Variants in ZNF507 observed in about 807,000 individuals in gnomAD.
ZNF507 encodes zinc finger protein 507.
In ZNF507, 29 loss-of-function variants were observed where a neutral mutation model predicts 80.0. The observed-to-expected ratio is 0.36, with a 90% CI of 0.27 to 0.49. The LOEUF (loss-of-function observed/expected upper bound fraction) is 0.49. Ranked by LOEUF, ZNF507 falls within the 20% of genes least tolerant of loss-of-function variation. The pLI, the probability that ZNF507 is intolerant of heterozygous loss-of-function variation, is 0.98. For missense variants in ZNF507, 1,081 were observed against 1,152.2 expected (o/e 0.94, Z 0.90); for synonymous variants, 462 against 422.5 (o/e 1.09, Z -1.15).
rs1599545525 is a variant in ZNF507 at position 32,352,953 on chromosome 19, A to G, written c.123A>G (p.Pro41=). The change falls in exon 3 of 7, where the codon CCA becomes CCG. Residue 41 remains proline, a synonymous_variant. Transcript: ENST00000355898. ...LEIDEQRKTK[P]DPLIHVIQKL... ...TTGATGAACAAAGAAAAACTAAACC[A>G]GATCCATTAATCCATGTTATCCAGA... is the stretch of plus-strand genomic sequence containing the variant. 7 of 1,614,210 alleles carry G rather than the reference A, an allele frequency of 4.3e-6. No homozygotes were observed. The highest frequency in any genetic ancestry group is 5.9e-6 in the Non-Finnish European group (7 of 1,180,046).
In ZNF507 at chr19:32,358,522, A is replaced by G. The variant is rs1012683188; in HGVS notation, c.2245+1789A>G. On this transcript the variant is annotated intron_variant, in intron 4 of 6. Coordinates refer to ENST00000355898, the MANE Select transcript of ZNF507 (RefSeq NM_001136156.2). ...ACAGTGAAAGGCATCACTGCCCTTC[A>G]GGAATCCAACTCAGTGAAGAAGACA... The G allele has an allele frequency of 9.8e-5, 15 of 152,378 alleles. No individual in the cohort carries two copies. The South Asian group carries it at 2.7e-3, about 27-fold the overall frequency. The allele number at this position is 152,378 out of a possible 1,614,324, so 9.4% of individuals were successfully genotyped here.
chr19:32,346,797 G>C (rs565891837), intron 1 of ZNF507, among the ~76,000 whole-genome samples: 1 of 152,202 alleles, frequency 6.6e-6, no homozygotes, highest in African/African-American at 2.4e-5. Flanking sequence ...TGCGTTAGAA[G>C]ATATATAGGT....
At chr19:32,379,889 T>G (rs1017465669) in intron 5 of ZNF507, among the ~76,000 whole-genome samples, 1 of 152,156 alleles carries the variant, frequency 6.6e-6, no homozygotes, top group Non-Finnish European at 1.5e-5. Context: ...TTGTATCCTT[T>G]TTTGGTGTTC....
intron 5 of ZNF507, among the ~76,000 whole-genome samples, chr19:32,370,880 A>T (rs1967461078): frequency 6.6e-6 from 1 of 152,012 alleles, no homozygotes; most frequent in African/African-American, 2.4e-5. Context: ...CAGCTATTTT[A>T]CCCATTTTGA....
intron 5 of ZNF507, among the ~76,000 whole-genome samples, chr19:32,373,445 T>G (rs1420460973): frequency 6.6e-6 from 1 of 152,250 alleles, no homozygotes; most frequent in African/African-American, 2.4e-5. Flanking sequence ...TGTAAGAGAC[T>G]TATCGAGTGG....
At chr19:32,370,188 T>C (rs1174128544) in intron 5 of ZNF507, among the ~76,000 whole-genome samples, 4 of 152,240 alleles carry the variant, frequency 2.6e-5, no homozygotes, top group Non-Finnish European at 5.9e-5. Context: ...CATACCTTGG[T>C]TTTTGTGAGG....
intron 2 of ZNF507, among the ~76,000 whole-genome samples, chr19:32,347,663 A>C (rs887016056): frequency 6.6e-6 from 1 of 152,120 alleles, no homozygotes; most frequent in African/African-American, 2.4e-5. Context: ...CAAAATTTGA[A>C]TATTACACAA....
In ZNF507 at chr19:32,353,689, C is replaced by T; in HGVS notation, c.859C>T (p.Pro287Ser). 6.2e-7 allele frequency: 1 copy of T among 1,614,120 alleles called. No homozygotes were observed. The highest frequency in any genetic ancestry group is 1.6e-4 in the Middle Eastern group (1 of 6,062). The change falls in exon 3 of 7, where the codon CCC (proline) becomes TCC (serine). Residue 287 changes from proline (P) to serine (S), a missense_variant. Pro to Ser is a moderately conservative substitution (Grantham distance 74). This residue lies in a region of ZNF507 where 614 missense variants were observed against 583.9 expected (regional missense o/e 1.05). Coordinates refer to ENST00000355898, the MANE Select transcript of ZNF507 (RefSeq NM_001136156.2). ...SYPIFENENE[P>S]LGLLDSSAAA... ...TCCAATCTTTGAAAATGAAAATGAA[C>T]CCCTAGGCCTGCTGGATTCTTCAGC...
Position 32,353,979 on chromosome 19 carries a change from AATC to A in ZNF507, c.1154_1156del (p.Ile385del). ...ATAGCCTGCTTACATCAGCACAGAA[AATC>A]ATCAGCAGCAGCCCCAATAAAAAAG... On this transcript the variant is annotated inframe_deletion, in exon 3 of 7. Coordinates refer to ENST00000355898, the MANE Select transcript of ZNF507 (RefSeq NM_001136156.2). 6 of 1,614,164 alleles carry A rather than the reference AATC, an allele frequency of 3.7e-6. No individual in the cohort carries two copies. Among genetic ancestry groups the A allele is most frequent in the Non-Finnish European group, 5.1e-6 (6 of 1,180,024 alleles).
chr19:32,384,303 A>C lies in ZNF507; in HGVS notation c.*1220A>C, dbSNP rs139688822. 6.6e-6 allele frequency: 1 copy of C among 152,368 alleles called. No homozygotes were observed. The highest frequency in any genetic ancestry group is 2.4e-5 in the African/African-American group (1 of 41,592). The allele number at this position is 152,368 out of a possible 1,614,324, so 9.4% of individuals were successfully genotyped here. Reference sequence around the variant, plus strand: ...ACCAACACAAAGTGCTTTAGCATTAAAACTCACCATCAAATAGATGTAATC... The same window carrying C: ...ACCAACACAAAGTGCTTTAGCATTACAACTCACCATCAAATAGATGTAATC... On this transcript the variant is annotated 3_prime_UTR_variant, in exon 7 of 7. Transcript: ENST00000355898.
At chr19:32,368,813 T>C (rs1228588539) in intron 5 of ZNF507, among the ~76,000 whole-genome samples, 1 of 152,214 alleles carries the variant, frequency 6.6e-6, no homozygotes, top group Non-Finnish European at 1.5e-5. Flanking sequence ...GAAAATGAAT[T>C]GAAGGTCATA....
At chr19:32,349,174 G>A (rs1466336922) in intron 2 of ZNF507, among the ~76,000 whole-genome samples, 1 of 152,184 alleles carries the variant, frequency 6.6e-6, no homozygotes, top group Non-Finnish European at 1.5e-5. Flanking sequence ...TAGAGGTAGA[G>A]AACCAGGACG....
rs778899825 is a variant in ZNF507, at chr19:32,384,591, T to C, written c.*1508T>C. On this transcript the variant is annotated 3_prime_UTR_variant, in exon 7 of 7. Coordinates refer to ENST00000355898, the MANE Select transcript of ZNF507 (RefSeq NM_001136156.2). ...AAAGGTTTTCGAATGGGATACGCTG[T>C]AGGCACGTTTTAAGAAGTATTCTGT... 1.3e-5 allele frequency: 2 copies of C among 152,202 alleles called. No individual in the cohort carries two copies. The highest frequency in any genetic ancestry group is 2.9e-5 in the Non-Finnish European group (2 of 68,036). 9.4% of individuals were successfully genotyped at this position (152,202 alleles called of 1,614,324 possible).
intron 5 of ZNF507, among the ~76,000 whole-genome samples, chr19:32,361,535 A>G (rs1423449560): frequency 6.6e-6 from 1 of 152,180 alleles, no homozygotes; most frequent in Admixed American, 6.5e-5. Flanking sequence ...AAACCAGCAG[A>G]CTTACTTATA....
chr19:32,356,801 ATGGT>A (rs771765991), intron 4 of ZNF507, 68 bp downstream of exon 4: 4 of 1,224,584 alleles, frequency 3.3e-6, no homozygotes, highest in Admixed American at 3.4e-5. Context: ...CTTAGTTGTC[ATGGT>A]TGGTTATTTT....
At chr19:32,363,822 C>G (rs1208886198) in intron 5 of ZNF507, among the ~76,000 whole-genome samples, 1 of 152,122 alleles carries the variant, frequency 6.6e-6, no homozygotes, top group African/African-American at 2.4e-5. Flanking sequence ...GCAGGCAGAG[C>G]TCATTTTACA....
Position 32,360,605 on chromosome 19 carries a change from G to C in ZNF507, c.2347G>C (p.Asp783His). The change falls in exon 5 of 7, where the codon GAT becomes CAT. Residue 783 changes from aspartate to histidine, a missense_variant. Transcript: ENST00000355898. ...VRNHRRIHNS[D>H]KPYRCSLCGY... ...AAACCACAGGCGAATCCATAACTCTGATAAGCCGTACAGGTAAGTGTTATG... is the reference window on the plus strand; with the variant it reads ...AAACCACAGGCGAATCCATAACTCTCATAAGCCGTACAGGTAAGTGTTATG... The C allele has an allele frequency of 6.3e-7, 1 of 1,590,684 alleles. No individual in the cohort carries two copies. The highest frequency in any genetic ancestry group is 8.6e-7 in the Non-Finnish European group (1 of 1,166,542).
rs1218294850 is a variant in ZNF507 at position 32,360,564 on chromosome 19, C to CATAT, written c.2307_2310dup (p.Val771IlefsTer12). ...GATGTGTGTGATTATACAAGTACAACATATGTTGGTGTCAGAAACCACAGG... is the reference window on the plus strand; with the variant it reads ...GATGTGTGTGATTATACAAGTACAACATATATATGTTGGTGTCAGAAACCACAGG... On this transcript the variant is annotated frameshift_variant, in exon 5 of 7. Transcript: ENST00000355898. LOFTEE classifies it high-confidence loss of function. The CATAT allele has an allele frequency of 3.1e-6, 5 of 1,604,240 alleles. No homozygotes were observed.
At chr19:32,382,352 G>A (rs1026884713) in intron 5 of ZNF507, 115 bp from the exon 6 acceptor site, 11 of 1,279,838 alleles carry the variant, frequency 8.6e-6, no homozygotes, top group Admixed American at 6.7e-5. Context: ...AGTGAAATAC[G>A]ATATGTCTAA....
Sources: gnomAD v4.1 joint callset for allele counts (sites outside exome capture counted in the v4.1 genomes callset) on GRCh38, gnomAD v4.1.1 for gene constraint, gnomAD v4.1.1 regional missense constraint, MANE v1.5 for transcripts, NCBI Gene and HGNC (gene_info 2026-07-23, HGNC 2026-07-21) for gene names.